PHF14: variants seen among roughly 807,000 people sequenced by gnomAD.
PHF14 encodes PHD finger protein 14.
In PHF14, 55 loss-of-function variants were observed where a neutral mutation model predicts 117.9. The ratio of observed to expected loss-of-function variants is 0.47; its 90% CI spans 0.38 to 0.58. The LOEUF is 0.58. PHF14 is among the 20% of genes least tolerant of loss of function. The pLI, the probability that PHF14 is intolerant of heterozygous loss-of-function variation, is 0.00. For synonymous variants in PHF14, 409 were observed against 368.6 expected, an observed-to-expected ratio of 1.11 and a Z score of -1.26; for missense variants, 978 against 1,122.2, an observed-to-expected ratio of 0.87 and a Z score of 1.84.
intron 17 of PHF14, among the ~76,000 whole-genome samples, chr7:11,167,732 A>C (rs1789241476): frequency 6.6e-6 from 1 of 152,184 alleles, no homozygotes; most frequent in African/African-American, 2.4e-5. Flanking sequence ...TAATGTAGTT[A>C]AAATGTAATC....
At chr7:10,986,152 T>A (rs1343415785) in intron 3 of PHF14, among the ~76,000 whole-genome samples, 1 of 151,186 alleles carries the variant, frequency 6.6e-6, no homozygotes, top group Admixed American at 6.6e-5. Flanking sequence ...TTTTTGATTT[T>A]TTTTTTTTTT....
rs144171043 is a variant in PHF14 at position 10,986,123 on chromosome 7, C to T, written c.900+2964C>T. 3.2e-4 allele frequency among the ~76,000 whole-genome samples: 49 copies of T among 151,576 alleles called. No homozygotes were observed. In the East Asian group the frequency reaches 7.4e-3, roughly 23 times the overall value. ...AGCTGAGACTACAGGTGTACGACAA[C>T]GACTGGCTAATGCTTTTATTTTTGA... On this transcript the variant is annotated intron_variant, in intron 3 of 17. Coordinates refer to ENST00000634607, the MANE Select transcript of PHF14 (RefSeq NM_001007157.2).
At chr7:11,026,126 A>AG (rs1485099741) in intron 6 of PHF14, among the ~76,000 whole-genome samples, 2 of 150,624 alleles carry the variant, frequency 1.3e-5, no homozygotes, top group Non-Finnish European at 3.0e-5. Context: ...AAAAAAAAAA[A>AG]AGAGAGAGAA....
chr7:11,016,611 G>A (rs541016150), intron 5 of PHF14, among the ~76,000 whole-genome samples: 1 of 152,052 alleles, frequency 6.6e-6, no homozygotes, highest in East Asian at 1.9e-4. Context: ...TTTACTATTT[G>A]TGGGTACATA....
intron 17 of PHF14, among the ~76,000 whole-genome samples, chr7:11,158,656 A>G (rs1025891437): frequency 9.9e-5 from 15 of 152,080 alleles, no homozygotes; most frequent in East Asian, 1.9e-4. Context: ...ATTTTTGTCA[A>G]TCTAGTATTT....
At chr7:11,150,481 C>T (rs796094615) in intron 17 of PHF14, among the ~76,000 whole-genome samples, 53 of 151,746 alleles carry the variant, frequency 3.5e-4, no homozygotes, top group African/African-American at 1.1e-3. Context: ...TAAGAATTCA[C>T]GACATAACTA....
intron 4 of PHF14, among the ~76,000 whole-genome samples, chr7:11,000,794 T>C (rs1782842697): frequency 6.6e-6 from 1 of 152,152 alleles, no homozygotes; most frequent in Non-Finnish European, 1.5e-5. Flanking sequence ...GCAAATACTT[T>C]CTCCCAGTCT....
At chr7:11,080,514 T>C (rs1269764602) in intron 16 of PHF14, among the ~76,000 whole-genome samples, 1 of 152,158 alleles carries the variant, frequency 6.6e-6, no homozygotes, top group Non-Finnish European at 1.5e-5. Context: ...GTAGATTTTA[T>C]TGCTCTTTAT....
At chr7:11,002,457 AGAC>A (rs58959421) in intron 4 of PHF14, among the ~76,000 whole-genome samples, 62,106 of 151,150 alleles carry the variant, frequency 0.41, 14,578 homozygotes, top group Non-Finnish European at 0.53. Context: ...TTTATTTTTG[AGAC>A]GGAGTTTTGC....
chr7:10,985,659 T>G (rs1273818678), intron 3 of PHF14, among the ~76,000 whole-genome samples: 1 of 134,552 alleles, frequency 7.4e-6, no homozygotes, highest in Admixed American at 7.5e-5. Context: ...TTTTTTTTTT[T>G]TTTTTTTTTT....
intron 17 of PHF14, among the ~76,000 whole-genome samples, chr7:11,152,775 A>G (rs1381268791): frequency 6.6e-6 from 1 of 152,184 alleles, no homozygotes; most frequent in Non-Finnish European, 1.5e-5. Context: ...AATCTGAGTG[A>G]TGGAGGAAGG....
At chr7:11,065,579 A>AT (rs1011260866) in intron 16 of PHF14, among the ~76,000 whole-genome samples, 5 of 152,222 alleles carry the variant, frequency 3.3e-5, no homozygotes, top group Non-Finnish European at 5.9e-5. Context: ...AGGACAATTG[A>AT]TTTTTTGTCA....
chr7:11,088,418 G>GCACA lies in PHF14; in HGVS notation c.2655-22921_2655-22918dup, dbSNP rs150354024. On this transcript the variant is annotated intron_variant, in intron 16 of 17. Coordinates refer to ENST00000634607, the MANE Select transcript of PHF14 (RefSeq NM_001007157.2). ...CATACACACAAACACACACACACACGCACACACACACACAGTCCTATTTCC... is the reference window on the plus strand; with the variant it reads ...CATACACACAAACACACACACACACGCACACACACACACACACAGTCCTATTTCC... Among the ~76,000 whole-genome samples, 25 of 150,670 alleles carry GCACA rather than the reference G, an allele frequency of 1.7e-4. No homozygotes were observed. In the East Asian group the frequency reaches 3.7e-3, roughly 22 times the overall value.
At chr7:11,035,121 AG>A (rs1157145600) in intron 7 of PHF14, among the ~76,000 whole-genome samples, 1 of 151,998 alleles carries the variant, frequency 6.6e-6, no homozygotes, top group Non-Finnish European at 1.5e-5. Context: ...AAAAAAAAAA[AG>A]CGTAATAAAA....
intron 6 of PHF14, among the ~76,000 whole-genome samples, chr7:11,027,518 C>T (rs930037812): frequency 6.6e-6 from 1 of 151,910 alleles, no homozygotes; most frequent in African/African-American, 2.4e-5. Context: ...AGCTAATTCC[C>T]CCTTTTTCTT....
chr7:10,980,416 A>G (rs1013242284), intron 2 of PHF14, among the ~76,000 whole-genome samples: 3 of 152,154 alleles, frequency 2.0e-5, no homozygotes, highest in African/African-American at 7.2e-5. Context: ...GTTATTATTT[A>G]TTAAATCATA....
chr7:11,038,877 G>A (rs760740216), intron 11 of PHF14, 22 bp downstream of exon 11: 5 of 1,124,084 alleles, frequency 4.4e-6, no homozygotes, highest in South Asian at 2.9e-5. Context: ...TCCAATTGCT[G>A]TCTCCTTCAG....
At chr7:11,107,264 T>C (rs894121894) in intron 16 of PHF14, 18 of 979,034 alleles carry the variant, frequency 1.8e-5, no homozygotes, top group African/African-American at 3.5e-5. Flanking sequence ...ATAGCACATA[T>C]GAAGGTAAAT....
intron 5 of PHF14, among the ~76,000 whole-genome samples, chr7:11,019,502 T>G (rs1783653395): frequency 6.6e-6 from 1 of 152,182 alleles, no homozygotes; most frequent in Non-Finnish European, 1.5e-5. Context: ...CATCCATTTC[T>G]TTTAGATTTT....
Sources: allele counts gnomAD v4.1 joint callset (sites outside exome capture counted in the v4.1 genomes callset), GRCh38; gene constraint gnomAD v4.1.1; transcripts MANE v1.5; gene names NCBI Gene and HGNC (gene_info 2026-07-23, HGNC 2026-07-21).